SERPINB5: variants seen among roughly 807,000 people sequenced by gnomAD.
SERPINB5 encodes the protein serpin B5.
A neutral mutation model predicts 32.2 loss-of-function variants in SERPINB5; 27 were observed. That is an observed-to-expected ratio of 0.84 (90% CI 0.62 to 1.16). The LOEUF (loss-of-function observed/expected upper bound fraction) is 1.16. SERPINB5 is among the 50% of genes most tolerant of loss of function. The probability of loss-of-function intolerance (pLI) is 0.00; values close to 1 mark genes in which losing one functional copy is unlikely to be tolerated. For synonymous variants in SERPINB5, 154 were observed against 157.4 expected, an observed-to-expected ratio of 0.98 and a Z score of 0.16; for missense variants, 388 against 436.3, an observed-to-expected ratio of 0.89 and a Z score of 0.99.
Position 63,486,949 on chromosome 18 carries a change from CT to C in SERPINB5, c.174del (p.His59IlefsTer15). The C allele has an allele frequency of 6.2e-7, 1 of 1,613,928 alleles. No homozygotes were observed. ...GDTANEIGQV[L>X]HFENVKDVPF... The stretch of plus-strand genomic sequence containing the variant: ...TAACGGATTTTTCTCTTAACAGGTT[CT>C]TCATTTTGAAAATGTCAAAGATGTA... On this transcript the variant is annotated frameshift_variant, in exon 3 of 7. Coordinates refer to ENST00000382771, the MANE Select transcript of SERPINB5 (RefSeq NM_002639.5). LOFTEE classifies it high-confidence loss of function.
chr18:63,489,194 C>G (rs986938767), intron 3 of SERPINB5, among the ~76,000 whole-genome samples, 153 bp from the exon 4 acceptor site: 1 of 152,168 alleles, frequency 6.6e-6, no homozygotes, highest in Admixed American at 6.5e-5. Context: ...AAGAAATTCA[C>G]TGACTTCTAC....
At chr18:63,484,929 C>A (rs1324450125) in intron 2 of SERPINB5, among the ~76,000 whole-genome samples, 1 of 151,854 alleles carries the variant, frequency 6.6e-6, no homozygotes, top group African/African-American at 2.4e-5. Context: ...TTAGTAGAGA[C>A]AGGGTTTCAC....
rs1231358697 is a variant in SERPINB5 at position 63,498,425 on chromosome 18, G to A, written c.568-695G>A. ...TAGGAAAAGCCGTATAAATGGTTATGTGGGTTTGCAGTAGAATTTACTTTC... is the reference window on the plus strand; with the variant it reads ...TAGGAAAAGCCGTATAAATGGTTATATGGGTTTGCAGTAGAATTTACTTTC... On this transcript the variant is annotated intron_variant, in intron 5 of 6. Coordinates refer to ENST00000382771, the MANE Select transcript of SERPINB5 (RefSeq NM_002639.5). The surrounding 1 kb of genome is among the most constrained non-coding windows in gnomAD (Gnocchi z 4.2). 2.0e-5 allele frequency among the ~76,000 whole-genome samples: 3 copies of A among 152,186 alleles called. No homozygotes were observed. The highest frequency in any genetic ancestry group is 2.9e-5 in the Non-Finnish European group (2 of 68,034).
intron 5 of SERPINB5, among the ~76,000 whole-genome samples, chr18:63,495,611 G>A (rs1909430995): frequency 6.6e-6 from 1 of 152,238 alleles, no homozygotes; most frequent in African/African-American, 2.4e-5. Flanking sequence ...GGACTTTTGT[G>A]TCAACCACAC....
At chr18:63,490,301 G>A (rs189130770) in intron 4 of SERPINB5, among the ~76,000 whole-genome samples, 342 of 152,236 alleles carry the variant, frequency 2.2e-3, no homozygotes, top group Non-Finnish European at 4.0e-3. Flanking sequence ...GAAGCTCCTA[G>A]GTTCTTTCTC....
chr18:63,485,614 A>C (rs770546234), intron 2 of SERPINB5: 2 of 152,222 alleles, frequency 1.3e-5, no homozygotes, highest in Non-Finnish European at 2.9e-5. Context: ...CCAATCTCCC[A>C]TTCCTCATTT....
In SERPINB5 at chr18:63,497,252, T is replaced by C. The variant is rs1407962060; in HGVS notation, c.568-1868T>C. 3 of 916,266 alleles carry C rather than the reference T, an allele frequency of 3.3e-6. No homozygotes were observed. The East Asian group carries it at 8.0e-5, about 24-fold the overall frequency. The allele number at this position is 916,266 out of a possible 1,614,324, so 56.8% of individuals were successfully genotyped here. On this transcript the variant is annotated intron_variant, in intron 5 of 6. Coordinates refer to ENST00000382771, the MANE Select transcript of SERPINB5 (RefSeq NM_002639.5). ...GTTGGTTCAGGGGCTAGCATTGGAA[T>C]AGCGTTTGGCAGCTTGATCATTGGT...
At chr18:63,494,800 T>C (rs1909414940) in intron 5 of SERPINB5, among the ~76,000 whole-genome samples, 1 of 152,310 alleles carries the variant, frequency 6.6e-6, no homozygotes, top group South Asian at 2.1e-4. Context: ...TTTACTTACA[T>C]AGATCCCCTA....
chr18:63,497,213 A>G, intron 5 of SERPINB5: 1 of 716,986 alleles, frequency 1.4e-6, no homozygotes. Context: ...GCTGAGGCAG[A>G]CACAGTTGGT....
intron 6 of SERPINB5, 132 bp from the exon 7 acceptor site, chr18:63,503,197 TG>T: frequency 1.0e-6 from 1 of 995,854 alleles, no homozygotes; most frequent in Non-Finnish European, 1.4e-6. Context: ...CAAAAACTTC[TG>T]GGCCATCTTT....
At chr18:63,485,253 G>A (rs1272436709) in intron 2 of SERPINB5, among the ~76,000 whole-genome samples, 2 of 152,006 alleles carry the variant, frequency 1.3e-5, no homozygotes, top group Non-Finnish European at 2.9e-5. Context: ...TGATTATCTA[G>A]CTTTGTAAAG....
intron 5 of SERPINB5, chr18:63,496,947 G>C: frequency 2.3e-6 from 1 of 440,850 alleles, no homozygotes; most frequent in Non-Finnish European, 4.4e-6. Flanking sequence ...CCTTTAAGAA[G>C]AGCAGGGAGA....
chr18:63,482,875 C>A (rs1247710095), intron 1 of SERPINB5, among the ~76,000 whole-genome samples: 1 of 150,442 alleles, frequency 6.6e-6, no homozygotes, highest in African/African-American at 2.4e-5. Flanking sequence ...TATTAAAAAA[C>A]ATTTTCTAAA....
intron 1 of SERPINB5, among the ~76,000 whole-genome samples, chr18:63,482,374 T>C (rs920764968): frequency 7.2e-5 from 11 of 152,234 alleles, no homozygotes; most frequent in African/African-American, 2.7e-4. Flanking sequence ...GTGCATGTCC[T>C]ACCTGAAGAC....
intron 6 of SERPINB5, among the ~76,000 whole-genome samples, chr18:63,502,916 C>T (rs8084462): frequency 0.56 from 85,613 of 151,740 alleles, 24,704 homozygotes; most frequent in Non-Finnish European, 0.64. Context: ...CCCAGCTACT[C>T]GAGAGGCTGA....
intron 3 of SERPINB5, among the ~76,000 whole-genome samples, chr18:63,488,471 C>T (rs76501005): frequency 0.046 from 7,003 of 152,178 alleles, 184 homozygotes; most frequent in Middle Eastern, 0.095. Flanking sequence ...GGCATGATCT[C>T]GGCTCATTAC....
At chr18:63,497,197 A>G (rs1293809711) in intron 5 of SERPINB5, 3 of 690,024 alleles carry the variant, frequency 4.3e-6, no homozygotes, top group Admixed American at 1.8e-5. Context: ...AGCCAAGTTT[A>G]TTGGTGCTGA....
chr18:63,498,991 G>A lies in SERPINB5; in HGVS notation c.568-129G>A, dbSNP rs928181524. 36 of 406,720 alleles carry A rather than the reference G, an allele frequency of 8.9e-5. 1 individual carries two copies. In the South Asian group the frequency reaches 3.1e-3, roughly 35 times the overall value. 25.2% of individuals were successfully genotyped at this position (406,720 alleles called of 1,614,324 possible). On this transcript the variant is annotated intron_variant, in intron 5 of 6. Transcript: ENST00000382771. This position sits in a 1 kb window ranked among gnomAD's most constrained non-coding sequence, Gnocchi z 4.2. ...TATATAGGTGTAGGTATATATGTAT[G>A]TGTGTCTGTATATATACATGTGGGT...
intron 5 of SERPINB5, chr18:63,497,145 A>G: frequency 1.6e-6 from 1 of 641,536 alleles, no homozygotes; most frequent in Non-Finnish European, 2.9e-6. Context: ...GTGGCCAGAC[A>G]GGAGTTCTAG....
Sources: allele counts gnomAD v4.1 joint callset (sites outside exome capture counted in the v4.1 genomes callset), GRCh38; gene constraint gnomAD v4.1.1; non-coding constraint Gnocchi (gnomAD v3.1); transcripts MANE v1.5; gene names NCBI Gene and HGNC (gene_info 2026-07-23, HGNC 2026-07-21).